Variants in EFNA5 observed in about 807,000 individuals in gnomAD.
The protein encoded by EFNA5 is ephrin-A5.
EFNA5 carries 5 observed loss-of-function variants against 22.9 expected under a neutral mutation model. The ratio of observed to expected loss-of-function variants is 0.22; its 90% CI spans 0.11 to 0.46. The LOEUF is 0.46. EFNA5 is among the 20% of genes least tolerant of loss of function. EFNA5 has a pLI of 0.99. For missense variants in EFNA5, 237 were observed against 293.3 expected (o/e 0.81, Z 1.40); for synonymous variants, 113 against 112.2 (o/e 1.01, Z -0.04).
At chr5:107,402,367 A>G (rs551731502) in intron 2 of EFNA5, among the ~76,000 whole-genome samples, 1 of 152,216 alleles carries the variant, frequency 6.6e-6, no homozygotes, top group East Asian at 1.9e-4. Flanking sequence ...TGCACAACAA[A>G]ATCATGCAGG....
chr5:107,631,391 T>TAC (rs898309361), intron 1 of EFNA5, among the ~76,000 whole-genome samples: 16 of 151,322 alleles, frequency 1.1e-4, no homozygotes, highest in African/African-American at 2.9e-4. Flanking sequence ...TATATATATA[T>TAC]ACATGTGTCT....
intron 1 of EFNA5, among the ~76,000 whole-genome samples, chr5:107,558,279 GTTTAT>G (rs1344343106): frequency 1.3e-5 from 2 of 151,318 alleles, no homozygotes; most frequent in Non-Finnish European, 2.9e-5. Context: ...TTTTTTTGTT[GTTTAT>G]TTTTTGTTTT....
chr5:107,624,303 CCAAT>C (rs1366404322), intron 1 of EFNA5, among the ~76,000 whole-genome samples: 1 of 152,030 alleles, frequency 6.6e-6, no homozygotes, highest in African/African-American at 2.4e-5. Context: ...TTAAAACAGC[CCAAT>C]CAGACAGTGA....
chr5:107,561,525 T>C (rs539266030), intron 1 of EFNA5, among the ~76,000 whole-genome samples: 2 of 152,076 alleles, frequency 1.3e-5, no homozygotes, highest in Non-Finnish European at 2.9e-5. Flanking sequence ...TGTGCCACCA[T>C]GCCCGGCTAA....
intron 4 of EFNA5, among the ~76,000 whole-genome samples, chr5:107,384,953 G>A (rs1169945357): frequency 1.3e-5 from 2 of 151,554 alleles, no homozygotes; most frequent in African/African-American, 4.9e-5. Flanking sequence ...CTTATTGCCA[G>A]GAATTGTGGT....
At chr5:107,583,793 A>G (rs1749119597) in intron 1 of EFNA5, among the ~76,000 whole-genome samples, 1 of 152,322 alleles carries the variant, frequency 6.6e-6, no homozygotes, top group Non-Finnish European at 1.5e-5. Flanking sequence ...AGTTCGATCA[A>G]TCTTTTATTT....
At position 107,404,741 on chromosome 5, in the gene EFNA5, AC is replaced by A. The variant is rs1338498079; in HGVS notation, c.419-16971del. Among the ~76,000 whole-genome samples, 5 of 152,246 alleles carry A rather than the reference AC, an allele frequency of 3.3e-5. No individual in the cohort carries two copies. In the East Asian group the frequency reaches 9.6e-4, roughly 29 times the overall value. ...AGTATAAATCATACTTTTCTTCCTG[AC>A]TACCCTACTTCAAATATTTGTTTCA... On this transcript the variant is annotated intron_variant, in intron 2 of 4. Transcript: ENST00000333274.
In EFNA5 at chr5:107,427,303, G is replaced by A; in HGVS notation, c.332C>T (p.Pro111Leu). Residue 111 changes from proline to leucine, a missense_variant, in exon 2 of 5, where the codon CCG becomes CTG. Physicochemically the swap from Pro to Leu is moderately conservative, Grantham distance 98. This residue lies in a region of EFNA5 where 13 missense variants were observed against 38.3 expected (regional missense o/e 0.34). Transcript: ENST00000333274. ...CTGGAATTTTTCAGAGAACTTCAGC[G>A]GTCCATTTGGAGAGTGAGGCCGGTT... ...ECNRPHSPNG[P>L]LKFSEKFQLF... 6.2e-7 allele frequency: 1 copy of A among 1,614,098 alleles called. No individual in the cohort carries two copies. Among genetic ancestry groups the A allele is most frequent in the Non-Finnish European group, 8.5e-7 (1 of 1,180,004 alleles).
intron 1 of EFNA5, among the ~76,000 whole-genome samples, chr5:107,614,312 G>A (rs531040845): frequency 2.0e-5 from 3 of 151,994 alleles, no homozygotes; most frequent in Non-Finnish European, 2.9e-5. Flanking sequence ...CTGAATATTC[G>A]ACATATTAAC....
At chr5:107,452,274 T>A (rs1463633242) in intron 1 of EFNA5, among the ~76,000 whole-genome samples, 1 of 151,898 alleles carries the variant, frequency 6.6e-6, no homozygotes, top group Non-Finnish European at 1.5e-5. Context: ...CAAACCACCA[T>A]GGCACACGTA....
intron 1 of EFNA5, among the ~76,000 whole-genome samples, chr5:107,600,069 A>C (rs1749561524): frequency 6.6e-6 from 1 of 152,232 alleles, no homozygotes; most frequent in Non-Finnish European, 1.5e-5. Context: ...CTGGATGCTA[A>C]AGTTCCCCTG....
At chr5:107,589,238 G>C (rs558473009) in intron 1 of EFNA5, among the ~76,000 whole-genome samples, 6 of 152,218 alleles carry the variant, frequency 3.9e-5, no homozygotes, top group Non-Finnish European at 7.4e-5. Context: ...AACTACAAAC[G>C]CTAAGCATAA....
At chr5:107,484,789 T>C (rs1028336580) in intron 1 of EFNA5, among the ~76,000 whole-genome samples, 5 of 144,640 alleles carry the variant, frequency 3.5e-5, no homozygotes, top group African/African-American at 7.7e-5. Context: ...CTGTGATAGT[T>C]ATGATTTTGT....
intron 1 of EFNA5, among the ~76,000 whole-genome samples, chr5:107,530,047 A>T (rs140016141): frequency 5.4e-4 from 83 of 152,358 alleles, no homozygotes; most frequent in African/African-American, 1.9e-3. Context: ...TATCTTACCC[A>T]TGCTCTAGCT....
At chr5:107,513,976 T>C (rs923861295) in intron 1 of EFNA5, among the ~76,000 whole-genome samples, 7 of 152,198 alleles carry the variant, frequency 4.6e-5, no homozygotes, top group Non-Finnish European at 8.8e-5. Context: ...CCTGAACGTC[T>C]GTGCTGAACA....
chr5:107,666,495 C>A (rs1751069347), intron 1 of EFNA5, among the ~76,000 whole-genome samples: 1 of 152,074 alleles, frequency 6.6e-6, no homozygotes, highest in Non-Finnish European at 1.5e-5. Flanking sequence ...GTTTAATATA[C>A]AAGTCCCTAC....
intron 1 of EFNA5, among the ~76,000 whole-genome samples, chr5:107,446,821 A>G (rs929059451): frequency 6.6e-6 from 1 of 152,112 alleles, no homozygotes; most frequent in Non-Finnish European, 1.5e-5. Flanking sequence ...TCTCAAGGGG[A>G]CTGTCTATGC....
chr5:107,580,744 AAGAAAAG>A (rs1749051492), intron 1 of EFNA5, among the ~76,000 whole-genome samples: 5 of 146,156 alleles, frequency 3.4e-5, no homozygotes, highest in Non-Finnish European at 4.5e-5. Context: ...AAAAAAAGAA[AAGAAAAG>A]AAAAGAAAAA....
intron 2 of EFNA5, among the ~76,000 whole-genome samples, chr5:107,392,275 G>A (rs1747809991): frequency 6.6e-6 from 1 of 151,016 alleles, no homozygotes; most frequent in Admixed American, 6.6e-5. Flanking sequence ...CTTCTAAAGA[G>A]TAGAACATGG....
Sources: gnomAD v4.1 joint callset for allele counts (sites outside exome capture counted in the v4.1 genomes callset) on GRCh38, gnomAD v4.1.1 for gene constraint, gnomAD v4.1.1 regional missense constraint, MANE v1.5 for transcripts, NCBI Gene and HGNC (gene_info 2026-07-23, HGNC 2026-07-21) for gene names.